The following MGAM variants were observed in gnomAD, a reference collection of about 807,000 sequenced individuals.
MGAM encodes alpha-1,4-glucosidase.
A neutral mutation model predicts 358.8 loss-of-function variants in MGAM; 253 were observed. The observed-to-expected ratio is 0.71, with a 90% confidence interval of 0.64 to 0.78. The LOEUF (loss-of-function observed/expected upper bound fraction) is 0.78, where lower values mean the gene tolerates loss of function less well. Ranked by LOEUF, MGAM falls within the 30% of genes least tolerant of loss-of-function variation. The probability of loss-of-function intolerance (pLI) is 0.00; values close to 1 mark genes in which losing one functional copy is unlikely to be tolerated. For synonymous variants in MGAM, 1,105 were observed against 1,227.1 expected (o/e 0.90, Z 2.08); for missense variants, 3,080 against 3,432.6 (o/e 0.90, Z 2.57).
intron 1 of MGAM, among the ~76,000 whole-genome samples, chr7:142,000,050 A>G (rs1241672457): frequency 1.3e-5 from 2 of 152,222 alleles, no homozygotes; most frequent in Non-Finnish European, 2.9e-5. Context: ...TATGCTAATG[A>G]TATTTTATTA....
In MGAM at chr7:142,090,920, C is replaced by T. The variant is rs182579790; in HGVS notation, c.6811-993C>T. Among the ~76,000 whole-genome samples the T allele has an allele frequency of 1.7e-3, 255 of 146,244 alleles. 36 individuals are homozygous for T. In the Middle Eastern group the frequency reaches 0.021, roughly 12 times the overall value. On this transcript the variant is annotated intron_variant, in intron 57 of 70. Transcript: ENST00000475668. ...GTCACTCAGATGAATATAAAACAAG[C>T]TTCTTGCTCTCAAAAGTCTACAATG...
At position 142,083,396 on chromosome 7, in the gene MGAM, A is replaced by T; in HGVS notation, c.6364A>T (p.Thr2122Ser). Residue 2122 changes from threonine (T) to serine (S), a missense_variant, in exon 53 of 71, where the codon ACC becomes TCC. Around this residue, in one of 5 missense-constraint regions of MGAM, gnomAD observed 932 missense variants for 1,198.2 expected, o/e 0.78. Transcript: ENST00000475668. ...CTTGGGGCCAACTCCAGAGCTTGTC[A>T]CCCAGCAGTACACTGAGGTAGGGAG... ...VFLGPTPELV[T>S]QQYTELIGRP... is the part of the protein sequence containing the mutation. 6.5e-7 allele frequency: 1 copy of T among 1,548,954 alleles called. No individual in the cohort carries two copies. Among genetic ancestry groups the T allele is most frequent in the Middle Eastern group, 1.7e-4 (1 of 5,944 alleles).
chr7:142,005,541 A>G lies in MGAM; in HGVS notation c.11A>G (p.Lys4Arg). 6.4e-7 allele frequency: 1 copy of G among 1,551,762 alleles called. No individual in the cohort carries two copies. Among genetic ancestry groups the G allele is most frequent in the Non-Finnish European group, 8.7e-7 (1 of 1,150,858 alleles). Residue 4 changes from lysine to arginine, a missense_variant, in exon 2 of 71, where the codon AAG becomes AGG. Around this residue, in one of 5 missense-constraint regions of MGAM, gnomAD observed 1,816 missense variants for 1,840.5 expected, o/e 0.99. Transcript: ENST00000475668. ...TCTTACATTTTAGAGATGGCAAGAAAGAAGCTGAAAAAATTTACTACTTTG... is the reference window on the plus strand; with the variant it reads ...TCTTACATTTTAGAGATGGCAAGAAGGAAGCTGAAAAAATTTACTACTTTG... MAR[K>R]KLKKFTTLEI... is the part of the protein sequence containing the mutation.
chr7:142,050,547 T>C, intron 23 of MGAM, 150 bp from the exon 24 acceptor site: 1 of 943,376 alleles, frequency 1.1e-6, no homozygotes, highest in Non-Finnish European at 1.6e-6. Flanking sequence ...CCAAATAATG[T>C]TGTACTTCTT....
At chr7:142,032,258 CCTAA>C (rs1563132430) in intron 13 of MGAM, among the ~76,000 whole-genome samples, 1 of 151,900 alleles carries the variant, frequency 6.6e-6, no homozygotes, top group Non-Finnish European at 1.5e-5. Flanking sequence ...AAGAAAGTAA[CCTAA>C]CTGAGGGTTA....
At chr7:142,030,608 C>A (rs1807394692) in intron 11 of MGAM, 33 bp from the exon 12 acceptor site, 2 of 1,601,794 alleles carry the variant, frequency 1.2e-6, no homozygotes, top group Non-Finnish European at 1.7e-6. Context: ...CGGTTTCCAG[C>A]TAGTTTGTTC....
chr7:142,036,963 G>T lies in MGAM; in HGVS notation c.2217G>T (p.Arg739Ser), dbSNP rs782797990. The T allele has an allele frequency of 1.2e-6, 2 of 1,613,018 alleles. No individual in the cohort carries two copies. The highest frequency in any genetic ancestry group is 1.7e-5 in the Admixed American group (1 of 59,928). ...ACAGCCGAGGGGACACGGTGGCCAG[G>T]CCCCTTTTGCATGAGTAAGTTCACC... ...RAHSRGDTVARPLLHEFYEDN... is the reference protein window; with the variant it reads ...RAHSRGDTVASPLLHEFYEDN... The change falls in exon 18 of 71, where the codon AGG becomes AGT. Residue 739 changes from arginine to serine, a missense_variant. Physicochemically the swap from Arg to Ser is moderately radical, Grantham distance 110 (BLOSUM62 -1). Transcript: ENST00000475668.
At chr7:142,105,742 T>A in intron 70 of MGAM, 72 bp from the exon 71 acceptor site, 1 of 1,145,272 alleles carries the variant, frequency 8.7e-7, no homozygotes, top group South Asian at 1.2e-5. Flanking sequence ...ACTGGATACT[T>A]GCACCTGATT....
In MGAM at chr7:142,081,083, C is replaced by A; in HGVS notation, c.6002+138C>A. The stretch of plus-strand genomic sequence containing the variant: ...CCATGGATGAGTTGTTTCCTTCAGA[C>A]CTATTCTTACAGGAAATCTTTAGCA... On this transcript the variant is annotated intron_variant, in intron 50 of 70. Coordinates refer to ENST00000475668, the MANE Select transcript of MGAM (RefSeq NM_001365693.1). 5.7e-6 allele frequency: 5 copies of A among 880,030 alleles called. 1 individual carries two copies. Among genetic ancestry groups the A allele is most frequent in the Non-Finnish European group, 8.3e-6 (5 of 604,320 alleles). 54.5% of individuals were successfully genotyped at this position (880,030 alleles called of 1,614,324 possible). A position where few individuals can be genotyped will look rare whatever the true frequency, so the allele number is the denominator to read the frequency against.
intron 63 of MGAM, 58 bp from the exon 64 acceptor site, chr7:142,095,507 C>T: frequency 6.2e-7 from 1 of 1,609,668 alleles, no homozygotes; most frequent in Middle Eastern, 2.3e-4. Flanking sequence ...CAGTGACCTT[C>T]TTAAATCCCC....
At chr7:142,042,836 T>A (rs948189563) in intron 21 of MGAM, among the ~76,000 whole-genome samples, 374 of 37,906 alleles carry the variant, frequency 9.9e-3, no homozygotes, top group East Asian at 0.02. Flanking sequence ...AATATCTATA[T>A]TATATATACA....
Position 142,056,839 on chromosome 7 carries a change from T to A in MGAM, c.3590T>A (p.Phe1197Tyr). 6.2e-7 allele frequency: 1 copy of A among 1,613,772 alleles called. No individual in the cohort carries two copies. Among genetic ancestry groups the A allele is most frequent in the Non-Finnish European group, 8.5e-7 (1 of 1,179,812 alleles). ...LLNSNAMDVT[F>Y]QPLPALTYRT... ...TTTTCTTTATTTTCAGATGTGACGTTCCAGCCCCTGCCTGCCTTGACATAC... is the reference window on the plus strand; with the variant it reads ...TTTTCTTTATTTTCAGATGTGACGTACCAGCCCCTGCCTGCCTTGACATAC... The change falls in exon 30 of 71, where the codon TTC (phenylalanine) becomes TAC (tyrosine). Residue 1197 changes from phenylalanine to tyrosine, a missense_variant. By Grantham distance (22) the Phe-to-Tyr change is conservative. Around this residue, in one of 5 missense-constraint regions of MGAM, gnomAD observed 1,816 missense variants for 1,840.5 expected, o/e 0.99. Coordinates refer to ENST00000475668, the MANE Select transcript of MGAM (RefSeq NM_001365693.1).
rs782009177 is a variant in MGAM, at chr7:142,005,676, G to T, written c.127+19G>T. The T allele has an allele frequency of 2.5e-6, 4 of 1,594,980 alleles. No homozygotes were observed. The highest frequency in any genetic ancestry group is 3.4e-6 in the Non-Finnish European group (4 of 1,170,320). The stretch of plus-strand genomic sequence containing the variant: ...TCAACAGGTAAGAAGTAACTCTGGG[G>T]CTCTCTCCATATGTTGTTTTTATTA... On this transcript the variant is annotated intron_variant, in intron 2 of 70. Transcript: ENST00000475668.
chr7:142,098,845 G>C (rs566543560), intron 66 of MGAM, among the ~76,000 whole-genome samples: 1 of 152,268 alleles, frequency 6.6e-6, no homozygotes, highest in African/African-American at 2.4e-5. Context: ...ATGAAATTTT[G>C]ATGTTTAATT....
chr7:142,040,625 GA>G lies in MGAM; in HGVS notation c.2374-93del, dbSNP rs1436697151. On this transcript the variant is annotated intron_variant, in intron 20 of 70. Coordinates refer to ENST00000475668, the MANE Select transcript of MGAM (RefSeq NM_001365693.1). ...GGCTAGACCATAATTCAGCTAATTGGAAAAGGGAGAGAGCTGTGTATCACCA... is the reference window on the plus strand; with the variant it reads ...GGCTAGACCATAATTCAGCTAATTGGAAAGGGAGAGAGCTGTGTATCACCA... The G allele has an allele frequency of 3.1e-5, 45 of 1,458,686 alleles. No individual in the cohort carries two copies. The Middle Eastern group carries it at 7.0e-4, about 23-fold the overall frequency. 90.4% of individuals were successfully genotyped at this position (1,458,686 alleles called of 1,614,324 possible). A position where few individuals can be genotyped will look rare whatever the true frequency, so the allele number is the denominator to read the frequency against.
rs1554458839 is a variant in MGAM, at chr7:142,021,605, A to G, written c.578A>G (p.Asn193Ser). 6.2e-7 allele frequency: 1 copy of G among 1,613,760 alleles called. No individual in the cohort carries two copies. Among genetic ancestry groups the G allele is most frequent in the African/African-American group, 1.3e-5 (1 of 74,932 alleles). The change falls in exon 6 of 71, where the codon AAC becomes AGC. Residue 193 changes from asparagine (N) to serine (S), a missense_variant. By Grantham distance (46) the Asn-to-Ser change is conservative (BLOSUM62 1). Around this residue, in one of 5 missense-constraint regions of MGAM, gnomAD observed 1,816 missense variants for 1,840.5 expected, o/e 0.99. Transcript: ENST00000475668. ...FHFKLTDQTN[N>S]RFEVPHEHVQ... ...GCACAGTTGACTGACCAAACCAATA[A>G]CAGGTTTGAAGTGCCCCACGAACAC...
Position 142,085,243 on chromosome 7 carries a change from T to C in MGAM, c.6508-590T>C, listed in dbSNP as rs865828129. On this transcript the variant is annotated intron_variant, in intron 54 of 70. Coordinates refer to ENST00000475668, the MANE Select transcript of MGAM (RefSeq NM_001365693.1). ...CAATGTACCATCGCATATCTAATTG[T>C]ATTCTACATTTCTCTTGTTTTACAG... 1.9e-4 allele frequency among the ~76,000 whole-genome samples: 28 copies of C among 146,808 alleles called. 3 individuals carry two copies. The highest frequency in any genetic ancestry group is 1.7e-4 in the Non-Finnish European group (11 of 64,774).
At chr7:142,028,574 G>C (rs1554461797) in intron 10 of MGAM, among the ~76,000 whole-genome samples, 2 of 152,130 alleles carry the variant, frequency 1.3e-5, no homozygotes, top group African/African-American at 4.8e-5. Flanking sequence ...TCAGGTCCAT[G>C]TGTTTTTACA....
rs1251912367 is a variant in MGAM, at chr7:142,045,221, A to G, written c.2499-2564A>G. Among the ~76,000 whole-genome samples, 35 of 56,442 alleles carry G rather than the reference A, an allele frequency of 6.2e-4. 1 individual carries two copies. Among genetic ancestry groups the G allele is most frequent in the Non-Finnish European group, 1.0e-3 (31 of 30,330 alleles). 37.0% of individuals were successfully genotyped at this position (56,442 alleles called of 152,430 possible). ...TATATATTATATAACATATATGTATATAATATATATTATATATCATATAAT... is the reference window on the plus strand; with the variant it reads ...TATATATTATATAACATATATGTATGTAATATATATTATATATCATATAAT... On this transcript the variant is annotated intron_variant, in intron 21 of 70. Coordinates refer to ENST00000475668, the MANE Select transcript of MGAM (RefSeq NM_001365693.1).
Sources: gnomAD v4.1 joint callset for allele counts (sites outside exome capture counted in the v4.1 genomes callset) on GRCh38, gnomAD v4.1.1 for gene constraint, gnomAD v4.1.1 regional missense constraint, MANE v1.5 for transcripts, NCBI Gene and HGNC (gene_info 2026-07-23, HGNC 2026-07-21) for gene names.